The following CCDC7 variants were observed in gnomAD, a reference collection of about 807,000 sequenced individuals.
CCDC7 encodes coiled-coil domain containing 7, also known as coiled-coil domain-containing protein 7.
In CCDC7, 183 loss-of-function variants were observed where a neutral mutation model predicts 196.9. The observed-to-expected ratio is 0.93, with a 90% CI of 0.82 to 1.05. The LOEUF (loss-of-function observed/expected upper bound fraction) is 1.05. Among genes scored for constraint, CCDC7 ranks in the 50% least tolerant of loss-of-function variants. CCDC7 has a pLI of 0.00. For synonymous variants in CCDC7, 525 were observed against 484.6 expected (o/e 1.08, Z -1.10); for missense variants, 1,540 against 1,482.2 (o/e 1.04, Z -0.64).
At chr10:32,527,787 T>C (rs772791017) in intron 11 of CCDC7, among the ~76,000 whole-genome samples, 5 of 152,192 alleles carry the variant, frequency 3.3e-5, no homozygotes, top group Non-Finnish European at 7.4e-5. Context: ...AAATTTAACA[T>C]GGCAATTGGT....
chr10:32,839,420 T>A (rs933611581), intron 33 of CCDC7, among the ~76,000 whole-genome samples: 1 of 151,844 alleles, frequency 6.6e-6, no homozygotes, highest in Non-Finnish European at 1.5e-5. Flanking sequence ...AAGAGGGACA[T>A]TATAGAATGA....
chr10:32,499,600 T>C (rs1041167645), intron 9 of CCDC7, among the ~76,000 whole-genome samples: 1 of 151,886 alleles, frequency 6.6e-6, no homozygotes, highest in Admixed American at 6.6e-5. Context: ...TCTTTTTTAT[T>C]TTTTTATTTT....
intron 9 of CCDC7, among the ~76,000 whole-genome samples, chr10:32,493,727 A>T (rs1167177293): frequency 6.6e-6 from 1 of 151,572 alleles, no homozygotes; most frequent in African/African-American, 2.4e-5. Context: ...GATAATAGCC[A>T]TTTTTTTTGA....
rs184532834 is a variant in CCDC7, at chr10:32,737,448, A to T, written c.2905+7991A>T. Among the ~76,000 whole-genome samples, 436 of 152,298 alleles carry T rather than the reference A, an allele frequency of 2.9e-3. 3 individuals are homozygous for T. The highest frequency in any genetic ancestry group is 5.2e-3 in the Non-Finnish European group (353 of 67,994). On this transcript the variant is annotated intron_variant, in intron 28 of 41. Coordinates refer to ENST00000639629, the Ensembl canonical transcript of CCDC7. The stretch of plus-strand genomic sequence containing the variant: ...AAGGTTTGTCTTATAGCCCAGAATA[A>T]GATCTGTCTTACTGAGTGTTCCACA...
chr10:32,724,889 A>C (rs1241802797), intron 25 of CCDC7, among the ~76,000 whole-genome samples: 1 of 152,128 alleles, frequency 6.6e-6, no homozygotes, highest in Non-Finnish European at 1.5e-5. Context: ...CACTGGCTGT[A>C]TGTTACATCC....
chr10:32,707,636 A>T (rs1433809004), intron 24 of CCDC7, among the ~76,000 whole-genome samples: 2 of 152,222 alleles, frequency 1.3e-5, no homozygotes, highest in Non-Finnish European at 2.9e-5. Flanking sequence ...CAGGATACAA[A>T]ATCAATGTGC....
chr10:32,544,344 C>G, intron 13 of CCDC7, 43 bp downstream of exon 14: 1 of 1,568,202 alleles, frequency 6.4e-7, no homozygotes, highest in Non-Finnish European at 8.7e-7. Flanking sequence ...TTGATTAATA[C>G]TTGCTCTGAT....
At chr10:32,524,285 G>A (rs760360613) in intron 11 of CCDC7, among the ~76,000 whole-genome samples, 1 of 151,866 alleles carries the variant, frequency 6.6e-6, no homozygotes, top group Non-Finnish European at 1.5e-5. Flanking sequence ...AAAACTCTAC[G>A]CTTTAATTTC....
At chr10:32,818,906 A>G (rs2089491205) in intron 31 of CCDC7, among the ~76,000 whole-genome samples, 1 of 152,224 alleles carries the variant, frequency 6.6e-6, no homozygotes. Context: ...TAAAAGAACT[A>G]GAAAAGCAAG....
intron 21 of CCDC7, 40 bp from the exon 23 acceptor site, chr10:32,685,929 AT>A: frequency 9.4e-7 from 1 of 1,062,838 alleles, no homozygotes; most frequent in Non-Finnish European, 1.3e-6. Flanking sequence ...CAAAAGATCC[AT>A]TTTTCTATTT....
intron 20 of CCDC7, among the ~76,000 whole-genome samples, chr10:32,659,328 T>C (rs1410074103): frequency 1.3e-5 from 2 of 152,226 alleles, no homozygotes; most frequent in Non-Finnish European, 2.9e-5. Context: ...TTTTCCCACA[T>C]TTTGAATTTT....
chr10:32,455,440 A>G (rs1018584976), intron 2 of CCDC7, among the ~76,000 whole-genome samples: 2 of 151,836 alleles, frequency 1.3e-5, no homozygotes, highest in Non-Finnish European at 2.9e-5. Context: ...TCAGCCACCC[A>G]CGTAGCTGGG....
At chr10:32,814,603 C>A (rs2087964567) in intron 31 of CCDC7, 150 bp downstream of exon 32, 1 of 553,026 alleles carries the variant, frequency 1.8e-6, no homozygotes, top group Non-Finnish European at 3.2e-6. Flanking sequence ...TATTTCAACT[C>A]TAGTTTCAAC....
chr10:32,499,861 T>G (rs778286597), intron 9 of CCDC7, among the ~76,000 whole-genome samples: 1 of 152,174 alleles, frequency 6.6e-6, no homozygotes, highest in Non-Finnish European at 1.5e-5. Flanking sequence ...TTGCACCACC[T>G]TTAATCCATT....
chr10:32,828,051 C>T (rs967446132), intron 32 of CCDC7, among the ~76,000 whole-genome samples: 1 of 152,162 alleles, frequency 6.6e-6, no homozygotes, highest in Admixed American at 6.5e-5. Context: ...CATCCACAAT[C>T]CCCCTTGTCT....
chr10:32,516,149 A>C (rs2046995535), intron 9 of CCDC7, among the ~76,000 whole-genome samples: 1 of 152,162 alleles, frequency 6.6e-6, no homozygotes, highest in Non-Finnish European at 1.5e-5. Context: ...TATATAAAGA[A>C]CTCTTATACC....
In CCDC7 at chr10:32,640,356, G is replaced by C. The variant is rs535050542; in HGVS notation, c.2014+5198G>C. ...AAAGTACTTTTTTTGTTTTGCATTT[G>C]CTTGGTAGATCTTCCTCCATCCCTT... On this transcript the variant is annotated intron_variant, in intron 20 of 41. Transcript: ENST00000639629. Among the ~76,000 whole-genome samples the C allele has an allele frequency of 4.0e-5, 6 of 151,826 alleles. No individual in the cohort carries two copies. The South Asian group carries it at 1.2e-3, about 32-fold the overall frequency.
In CCDC7 at chr10:32,583,245, C is replaced by T. The variant is rs536716418; in HGVS notation, c.1666C>T (p.Gln556Ter). 5 of 1,231,132 alleles carry T rather than the reference C, an allele frequency of 4.1e-6. No individual in the cohort carries two copies. In the South Asian group the frequency reaches 1.2e-4, roughly 30 times the overall value. The allele number at this position is 1,231,132 out of a possible 1,614,324, so 76.3% of individuals were successfully genotyped here. Reference sequence around the variant, plus strand: ...TTCACTGTCTGTTGGAACATTGGCTCAAAAAAACGAAACAGTGATATCACC... The same window carrying T: ...TTCACTGTCTGTTGGAACATTGGCTTAAAAAAACGAAACAGTGATATCACC... The change falls in exon 17 of 42, where the codon CAA becomes TAA. Residue 556 changes from glutamine (Q) to a stop codon, truncating the protein, a stop_gained. Transcript: ENST00000639629. LOFTEE classifies it high-confidence loss of function.
intron 13 of CCDC7, among the ~76,000 whole-genome samples, chr10:32,561,647 C>T (rs1301944126): frequency 1.1e-4 from 16 of 150,062 alleles, no homozygotes; most frequent in East Asian, 5.8e-4. Context: ...ACACATTCAA[C>T]GCAGTGTGTA....
Sources: gnomAD v4.1 joint callset for allele counts (sites outside exome capture counted in the v4.1 genomes callset) on GRCh38, gnomAD v4.1.1 for gene constraint, MANE v1.5 for transcripts, NCBI Gene and HGNC (gene_info 2026-07-23, HGNC 2026-07-21) for gene names.